The following DOCK1 variants were observed in gnomAD, a reference collection of about 807,000 sequenced individuals.
DOCK1 encodes dedicator of cytokinesis protein 1.
Under a neutral mutation model 262.7 loss-of-function variants are expected in DOCK1, and 138 were observed. The observed-to-expected ratio is 0.53, with a 90% CI of 0.46 to 0.61. The LOEUF (loss-of-function observed/expected upper bound fraction) is 0.61. Among genes scored for constraint, DOCK1 ranks in the 20% least tolerant of loss-of-function variants. DOCK1 has a pLI of 0.00. For synonymous variants in DOCK1, 866 were observed against 867.4 expected, an observed-to-expected ratio of 1.00 and a Z score of 0.03; for missense variants, 1,908 against 2,370.7, an observed-to-expected ratio of 0.80 and a Z score of 4.05.
chr10:127,075,796 G>T (rs2046496835), intron 23 of DOCK1, among the ~76,000 whole-genome samples: 2 of 152,148 alleles, frequency 1.3e-5, no homozygotes, highest in Non-Finnish European at 2.9e-5. Context: ...GACACGTGGG[G>T]ATTACAATTT....
intron 2 of DOCK1, among the ~76,000 whole-genome samples, chr10:126,974,793 C>T (rs1591501394): frequency 6.6e-6 from 1 of 152,206 alleles, no homozygotes; most frequent in South Asian, 2.1e-4. Flanking sequence ...TAATCTCTTT[C>T]TGTATTTGTG....
chr10:127,397,188 G>A (rs56391528), intron 38 of DOCK1, among the ~76,000 whole-genome samples: 963 of 55,948 alleles, frequency 0.017, 2 homozygotes, highest in Middle Eastern at 0.037. Context: ...AGTTACACGG[G>A]CAGCGTCTCC....
At chr10:127,291,988 G>A (rs1005810893) in intron 29 of DOCK1, among the ~76,000 whole-genome samples, 10 of 152,184 alleles carry the variant, frequency 6.6e-5, no homozygotes, top group East Asian at 3.9e-4. Context: ...TCCAGAGCAG[G>A]TATCTGTGGC....
intron 21 of DOCK1, among the ~76,000 whole-genome samples, chr10:127,044,867 T>G (rs182602565): frequency 2.4e-4 from 37 of 152,228 alleles, no homozygotes; most frequent in Non-Finnish European, 4.4e-5. Flanking sequence ...AAAAGTACCA[T>G]TTTTTCTTTA....
intron 48 of DOCK1, among the ~76,000 whole-genome samples, chr10:127,438,793 C>G (rs1235784143): frequency 6.6e-6 from 1 of 152,228 alleles, no homozygotes; most frequent in Non-Finnish European, 1.5e-5. Flanking sequence ...TCCGGTCAGA[C>G]TTCACATTTG....
At chr10:127,382,427 G>T (rs1352880886) in intron 37 of DOCK1, among the ~76,000 whole-genome samples, 1 of 152,132 alleles carries the variant, frequency 6.6e-6, no homozygotes, top group Non-Finnish European at 1.5e-5. Flanking sequence ...ATTTGCCTCT[G>T]CCTGGAAACA....
At position 127,417,903 on chromosome 10, in the gene DOCK1, TG is replaced by T. The variant is rs1318861300; in HGVS notation, c.4516-460del. Among the ~76,000 whole-genome samples the T allele has an allele frequency of 5.9e-5, 9 of 152,200 alleles. No individual in the cohort carries two copies. In the East Asian group the frequency reaches 1.8e-3, roughly 30 times the overall value. ...CACTCTTCCTTCACATGATGGTGTG[TG>T]GTGCCATGGCGGAGCCCTGCCTTGA... On this transcript the variant is annotated intron_variant, in intron 44 of 51. Coordinates refer to ENST00000623213, the MANE Select transcript of DOCK1 (RefSeq NM_001290223.2).
intron 3 of DOCK1, among the ~76,000 whole-genome samples, chr10:126,980,970 C>T (rs1195340896): frequency 7.4e-6 from 1 of 134,786 alleles, no homozygotes; most frequent in African/African-American, 2.8e-5. Flanking sequence ...TTTCCTGAGG[C>T]GGAGTCTCGC....
chr10:127,157,066 G>A (rs540498834), intron 27 of DOCK1, among the ~76,000 whole-genome samples: 84 of 152,360 alleles, frequency 5.5e-4, no homozygotes, highest in African/African-American at 1.9e-3. Context: ...AGTGGCGTGG[G>A]AGTGGCAGAA....
At position 127,425,374 on chromosome 10, in the gene DOCK1, C is replaced by T. The variant is rs776718606; in HGVS notation, c.4777-500C>T. On this transcript the variant is annotated intron_variant, in intron 46 of 51. Coordinates refer to ENST00000623213, the MANE Select transcript of DOCK1 (RefSeq NM_001290223.2). ...CATGGATATTTTGTGACAGCAGTGT[C>T]GCAGAGAAGCGATTATTTTTAGTTT... Among the ~76,000 whole-genome samples, 7 of 152,208 alleles carry T rather than the reference C, an allele frequency of 4.6e-5. No individual in the cohort carries two copies. In the South Asian group the frequency reaches 6.2e-4, roughly 14 times the overall value.
At chr10:127,306,916 G>A (rs1453092756) in intron 29 of DOCK1, among the ~76,000 whole-genome samples, 1 of 152,108 alleles carries the variant, frequency 6.6e-6, no homozygotes, top group East Asian at 1.9e-4. Flanking sequence ...TGTATTATGT[G>A]CAAAGTGTAC....
chr10:127,045,593 C>T lies in DOCK1; in HGVS notation c.2201+2429C>T, dbSNP rs945687431. ...TTTGGTAAATGTTGAGATCTTTAGC[C>T]CTTCTTCCCAACAACACCAAGAGAA... On this transcript the variant is annotated intron_variant, in intron 21 of 51. Coordinates refer to ENST00000623213, the MANE Select transcript of DOCK1 (RefSeq NM_001290223.2). Among the ~76,000 whole-genome samples the T allele has an allele frequency of 7.2e-5, 11 of 152,278 alleles. No homozygotes were observed. In the Middle Eastern group the frequency reaches 0.01, roughly 141 times the overall value.
chr10:126,948,982 C>T (rs2035908817), intron 1 of DOCK1, among the ~76,000 whole-genome samples: 1 of 152,092 alleles, frequency 6.6e-6, no homozygotes, highest in South Asian at 2.1e-4. Context: ...GGCCCGGGCC[C>T]ACCCCCTGGA....
At chr10:127,435,144 A>G (rs1471041294) in intron 48 of DOCK1, among the ~76,000 whole-genome samples, 2 of 152,108 alleles carry the variant, frequency 1.3e-5, no homozygotes, top group Admixed American at 6.5e-5. Context: ...ATTTTTTTGT[A>G]TTTTTGAGCG....
At chr10:127,116,239 G>C (rs2049171821) in intron 25 of DOCK1, among the ~76,000 whole-genome samples, 1 of 152,160 alleles carries the variant, frequency 6.6e-6, no homozygotes, top group South Asian at 2.1e-4. Context: ...GCTCCTTGTA[G>C]ACAGTGTTCA....
intron 1 of DOCK1, among the ~76,000 whole-genome samples, chr10:126,948,088 GTGGTTGGTAGTATTACTGTTGGTGGTGA>G: frequency 7.1e-6 from 1 of 140,272 alleles, no homozygotes; most frequent in African/African-American, 2.7e-5. Context: ...GGTGATGGTG[GTGGTTGGTAGTATTACTGTTGGTGGTGA>G]TGGTGGTGGT....
intron 25 of DOCK1, among the ~76,000 whole-genome samples, chr10:127,115,295 G>C (rs757371459): frequency 8.5e-5 from 13 of 152,190 alleles, no homozygotes; most frequent in Non-Finnish European, 1.8e-4. Flanking sequence ...AGCATACTGT[G>C]TGTGAGTCAG....
chr10:127,307,518 G>C (rs558748309), intron 29 of DOCK1, among the ~76,000 whole-genome samples: 1 of 152,148 alleles, frequency 6.6e-6, no homozygotes, highest in Non-Finnish European at 1.5e-5. Context: ...CTGGCTGCAG[G>C]CTGCCTCATT....
intron 38 of DOCK1, among the ~76,000 whole-genome samples, chr10:127,397,691 G>C (rs2066980887): frequency 6.6e-6 from 1 of 151,556 alleles, no homozygotes. Flanking sequence ...GACACAGGTA[G>C]TAGCTCCTCT....
Sources: allele counts gnomAD v4.1 joint callset (sites outside exome capture counted in the v4.1 genomes callset), GRCh38; gene constraint gnomAD v4.1.1; transcripts MANE v1.5; gene names NCBI Gene and HGNC (gene_info 2026-07-23, HGNC 2026-07-21).